CYP4F11: variants seen among roughly 807,000 people sequenced by gnomAD.
CYP4F11 encodes cytochrome P450 4F11.
A neutral mutation model predicts 62.2 loss-of-function variants in CYP4F11; 79 were observed. The observed-to-expected ratio is 1.27, with a 90% confidence interval of 1.06 to 1.53. The LOEUF (loss-of-function observed/expected upper bound fraction) is 1.53, where lower values mean the gene tolerates loss of function less well. Ranked by LOEUF, CYP4F11 falls within the 40% of genes most tolerant of loss-of-function variation. The pLI is 0.00. For missense variants in CYP4F11, 777 were observed against 680.5 expected, an observed-to-expected ratio of 1.14 and a Z score of -1.58; for synonymous variants, 290 against 263.7, an observed-to-expected ratio of 1.10 and a Z score of -0.97.
chr19:15,914,212 G>A (rs1309566818), intron 11 of CYP4F11, 93 bp downstream of exon 11: 4 of 1,436,716 alleles, frequency 2.8e-6, no homozygotes, highest in African/African-American at 1.4e-5. Flanking sequence ...AGGGAGGGAA[G>A]GAGAGCTGGA....
chr19:15,925,033 C>T, intron 4 of CYP4F11, 151 bp from the exon 5 acceptor site: 1 of 864,660 alleles, frequency 1.2e-6, no homozygotes, highest in Non-Finnish European at 1.7e-6. Flanking sequence ...TGGATAGGAG[C>T]AGAAACTGTT....
At chr19:15,917,304 G>A (rs1189589070) in intron 8 of CYP4F11, among the ~76,000 whole-genome samples, 1 of 152,058 alleles carries the variant, frequency 6.6e-6, no homozygotes, top group Non-Finnish European at 1.5e-5. Flanking sequence ...GGGATAAAAG[G>A]TTACATATTG....
chr19:15,914,522 T>A lies in CYP4F11; in HGVS notation c.1314+80A>T, dbSNP rs1015524525. 2.5e-6 allele frequency: 4 copies of A among 1,580,480 alleles called. No homozygotes were observed. In the Middle Eastern group the frequency reaches 5.0e-4, roughly 199 times the overall value. ...TCCATTGAGGAGAGGTGATGTTGGA[T>A]TTTCCTGGTCAAAACCCTGTCACCT... On this transcript the variant is annotated intron_variant, in intron 10 of 11. Transcript: ENST00000402119.
At chr19:15,921,554 T>A (rs1034798128) in intron 8 of CYP4F11, among the ~76,000 whole-genome samples, 3 of 152,158 alleles carry the variant, frequency 2.0e-5, no homozygotes, top group Admixed American at 2.0e-4. Flanking sequence ...GATACAAAAC[T>A]GGGGATAGGA....
upstream of CYP4F11, chr19:15,934,854 A>T (rs1287742161): frequency 5.8e-6 from 1 of 172,646 alleles, no homozygotes; most frequent in Non-Finnish European, 1.2e-5. Flanking sequence ...CTCTGCTAGG[A>T]GGTCTTTGCC....
In CYP4F11 at chr19:15,914,051, C is replaced by T. The variant is rs1222264211; in HGVS notation, c.1398-142G>A. On this transcript the variant is annotated intron_variant, in intron 11 of 11. Coordinates refer to ENST00000402119, the MANE Select transcript of CYP4F11 (RefSeq NM_021187.4). ...AGGGGATAAGTGTCCACAGGACTCC[C>T]ATGTGTGCTTGCATATCCCCCAAAC... The T allele has an allele frequency of 6.0e-6, 7 of 1,168,348 alleles. No homozygotes were observed. The Admixed American group carries it at 1.6e-4, about 27-fold the overall frequency. The allele number at this position is 1,168,348 out of a possible 1,614,324, so 72.4% of individuals were successfully genotyped here.
At chr19:15,919,360 T>TAGAC (rs1360678692) in intron 8 of CYP4F11, among the ~76,000 whole-genome samples, 3 of 150,674 alleles carry the variant, frequency 2.0e-5, no homozygotes, top group Non-Finnish European at 4.4e-5. Context: ...GATGGATAGA[T>TAGAC]AGATAGATAG....
chr19:15,914,765 T>C lies in CYP4F11; in HGVS notation c.1246A>G (p.Lys416Glu), dbSNP rs754723377. Residue 416 changes from lysine to glutamate, a missense_variant, in exon 9 of 12, where the codon AAA (lysine) becomes GAA (glutamate). Coordinates refer to ENST00000402119, the MANE Select transcript of CYP4F11 (RefSeq NM_021187.4). ...CTCCCCCTGAGGCTGTGAGCACCTT[T>C]GGGGATGACGCGGCCGTCTGGGAGC... is the stretch of plus-strand genomic sequence containing the variant. Reference protein sequence around the residue: ...FVLPDGRVIPKGIVCLINIIG... With the variant: ...FVLPDGRVIPEGIVCLINIIG... 1.9e-6 allele frequency: 3 copies of C among 1,614,004 alleles called. No homozygotes were observed. The highest frequency in any genetic ancestry group is 2.5e-6 in the Non-Finnish European group (3 of 1,180,004).
chr19:15,916,276 C>T (rs2089582971), intron 8 of CYP4F11, among the ~76,000 whole-genome samples: 1 of 152,086 alleles, frequency 6.6e-6, no homozygotes, highest in African/African-American at 2.4e-5. Context: ...ACTTGATGAA[C>T]TTACTCTAAA....
Position 15,914,598 on chromosome 19 carries a change from C to G in CYP4F11, c.1314+4G>C. 1 of 1,614,178 alleles carries G rather than the reference C, an allele frequency of 6.2e-7. No homozygotes were observed. Among genetic ancestry groups the G allele is most frequent in the East Asian group, 2.2e-5 (1 of 44,886 alleles). ...CAAAAAGGGTGGGGTGAGGGAGGCA[C>G]TACCTCAGGGTCTGGCCACACAGTT... On this transcript the variant is annotated splice_donor_region_variant and intron_variant, in intron 10 of 11. Transcript: ENST00000402119.
intron 8 of CYP4F11, among the ~76,000 whole-genome samples, chr19:15,917,372 C>T (rs1235356865): frequency 6.6e-6 from 1 of 152,034 alleles, no homozygotes; most frequent in Non-Finnish European, 1.5e-5. Context: ...CAAAAACCAC[C>T]TGTACCCCAC....
Position 15,914,317 on chromosome 19 carries a change from G to A in CYP4F11, c.1385C>T (p.Ser462Leu), listed in dbSNP as rs770540224. Residue 462 changes from serine (S) to leucine (L), a missense_variant, in exon 11 of 12, where the codon TCG (serine) becomes TTG (leucine). By Grantham distance (145) the Ser-to-Leu change is moderately radical. Transcript: ENST00000402119. ...AGGCCATCCTTACCTGGGCCCTGCC[G>A]AGAAGGGAATAAAAGCCAGAGGTGA... Reference protein sequence around the residue: ...ERSPLAFIPFSAGPRNCIGQA... With the variant: ...ERSPLAFIPFLAGPRNCIGQA... 9.9e-5 allele frequency: 160 copies of A among 1,613,892 alleles called. 5 individuals carry two copies. In the South Asian group the frequency reaches 1.5e-3, roughly 15 times the overall value.
Position 15,923,903 on chromosome 19 carries a change from C to T in CYP4F11, c.827G>A (p.Cys276Tyr), listed in dbSNP as rs760692119. The T allele has an allele frequency of 1.1e-5, 17 of 1,614,026 alleles. No individual in the cohort carries two copies. The highest frequency in any genetic ancestry group is 6.7e-5 in the East Asian group (3 of 44,886). Residue 276 changes from cysteine (C) to tyrosine (Y), a missense_variant, in exon 6 of 12, where the codon TGC becomes TAC. Transcript: ENST00000402119. ...ATCAATACCCTGAGTGGGGAGGGTG[C>T]AGCGCCGCTCCTGGATGACGGCATC... is the stretch of plus-strand genomic sequence containing the variant. ...FTDAVIQERR[C>Y]TLPTQGIDDF...
rs10637763 is a variant in CYP4F11, at chr19:15,912,789, A to ATATATATAT, written c.*942_*943insATATATATA. 8.4e-5 allele frequency: 8 copies of ATATATATAT among 95,794 alleles called. No individual in the cohort carries two copies. Among genetic ancestry groups the ATATATATAT allele is most frequent in the African/African-American group, 3.7e-4 (7 of 19,132 alleles). The allele number at this position is 95,794 out of a possible 1,614,324, so 5.9% of individuals were successfully genotyped here. A position where few individuals can be genotyped will look rare whatever the true frequency, so the allele number is the denominator to read the frequency against. ...TGTGTGTGTATATATATATATATAT[A>ATATATATAT]ATATATATATATATATACATATCTT... On this transcript the variant is annotated 3_prime_UTR_variant, in exon 12 of 12. Coordinates refer to ENST00000402119, the MANE Select transcript of CYP4F11 (RefSeq NM_021187.4).
Position 15,912,697 on chromosome 19 carries a change from A to ATATGTGTG in CYP4F11, c.*1034_*1035insCACACATA, listed in dbSNP as rs1243320677. ...AAAAAAAAAATATATATATATATAT[A>ATATGTGTG]TGTGTGTGTGTGTGTGTGTGTGTGT... is the stretch of plus-strand genomic sequence containing the variant. On this transcript the variant is annotated 3_prime_UTR_variant, in exon 12 of 12. Coordinates refer to ENST00000402119, the MANE Select transcript of CYP4F11 (RefSeq NM_021187.4). 1.8e-4 allele frequency: 13 copies of ATATGTGTG among 72,694 alleles called. No homozygotes were observed. The highest frequency in any genetic ancestry group is 6.8e-4 in the African/African-American group (12 of 17,666). 4.5% of individuals were successfully genotyped at this position (72,694 alleles called of 1,614,324 possible).
At position 15,929,610 on chromosome 19, in the gene CYP4F11, A is replaced by T; in HGVS notation, c.199-9T>A. 6.3e-7 allele frequency: 1 copy of T among 1,583,664 alleles called. No homozygotes were observed. On this transcript the variant is annotated splice_polypyrimidine_tract_variant and intron_variant, in intron 1 of 11. Coordinates refer to ENST00000402119, the MANE Select transcript of CYP4F11 (RefSeq NM_021187.4). The stretch of plus-strand genomic sequence containing the variant: ...TCTTCCGTGGGAGTGACCTGAAAAC[A>T]AGGCAGAGGCCGTCAGCCCTTGTGA...
intron 4 of CYP4F11, among the ~76,000 whole-genome samples, chr19:15,926,515 T>C (rs897495768): frequency 1.3e-5 from 2 of 152,236 alleles, no homozygotes; most frequent in South Asian, 4.1e-4. Flanking sequence ...TATTAAGAGA[T>C]GGAGACTGTT....
chr19:15,916,248 T>A (rs1189518223), intron 8 of CYP4F11, among the ~76,000 whole-genome samples: 1 of 152,160 alleles, frequency 6.6e-6, no homozygotes, highest in Non-Finnish European at 1.5e-5. Flanking sequence ...CAAATGATAA[T>A]CTATCTAATT....
At chr19:15,922,503 A>G (rs1412869079) in intron 6 of CYP4F11, 73 bp from the exon 7 acceptor site, 25 of 1,500,562 alleles carry the variant, frequency 1.7e-5, no homozygotes, top group Middle Eastern at 1.7e-4. Context: ...CAAACCTAAG[A>G]TAATTTCTGA....
Sources: gnomAD v4.1 joint callset for allele counts (sites outside exome capture counted in the v4.1 genomes callset) on GRCh38, gnomAD v4.1.1 for gene constraint, MANE v1.5 for transcripts, NCBI Gene and HGNC (gene_info 2026-07-23, HGNC 2026-07-21) for gene names.